Variants in SHISA9 observed in about 807,000 individuals in gnomAD.
The protein encoded by SHISA9 is shisa family member 9.
In SHISA9, 13 loss-of-function variants were observed where a neutral mutation model predicts 38.0. The observed-to-expected ratio is 0.34, with a 90% CI of 0.22 to 0.54. The LOEUF (loss-of-function observed/expected upper bound fraction) is 0.54. SHISA9 is among the 20% of genes least tolerant of loss of function. SHISA9 has a pLI of 0.91. For missense variants in SHISA9, 538 were observed against 575.8 expected (o/e 0.93, Z 0.67); for synonymous variants, 275 against 242.0 (o/e 1.14, Z -1.27).
the SHISA9 span, among the ~76,000 whole-genome samples, chr16:13,397,277 C>G: frequency 2.6e-5 from 4 of 152,130 alleles, no homozygotes; most frequent in African/African-American, 9.7e-5. Context: ...GGGTGTGGCT[C>G]GCTTCTTTGG....
the SHISA9 span, among the ~76,000 whole-genome samples, chr16:13,425,296 T>C: frequency 6.6e-6 from 1 of 152,114 alleles, no homozygotes; most frequent in Non-Finnish European, 1.5e-5. Flanking sequence ...AGACCAGCCT[T>C]GCCAACATGG....
chr16:12,944,018 C>T (rs1043277706), intron 2 of SHISA9, among the ~76,000 whole-genome samples: 5 of 152,116 alleles, frequency 3.3e-5, no homozygotes, highest in African/African-American at 1.2e-4. Flanking sequence ...TGGTGCATTG[C>T]AAGATGTTTA....
the SHISA9 span, among the ~76,000 whole-genome samples, chr16:13,531,492 A>G: frequency 7.9e-5 from 12 of 152,210 alleles, no homozygotes; most frequent in African/African-American, 2.9e-4. Flanking sequence ...CTGAGGTCAC[A>G]CAGCTGGTAG....
the SHISA9 span, among the ~76,000 whole-genome samples, chr16:13,369,305 C>T: frequency 5.3e-5 from 8 of 152,066 alleles, no homozygotes; most frequent in African/African-American, 1.9e-4. Flanking sequence ...AGATTAGGAA[C>T]ACTACAAAGG....
At chr16:12,919,288 ATGAGAT>A (rs2141724873) in intron 2 of SHISA9, among the ~76,000 whole-genome samples, 1 of 152,346 alleles carries the variant, frequency 6.6e-6, no homozygotes, top group South Asian at 2.1e-4. Context: ...CCTGGACATT[ATGAGAT>A]GTACAAGGAT....
chr16:13,115,682 C>A lies in SHISA9; in HGVS notation c.692-87712C>A, dbSNP rs146258780. ...GATTTTGGGAGGCTTGCTCCCAACACCGTATGCCCCAGGCACCAAATAATA... is the reference window on the plus strand; with the variant it reads ...GATTTTGGGAGGCTTGCTCCCAACAACGTATGCCCCAGGCACCAAATAATA... On this transcript the variant is annotated intron_variant, in intron 2 of 4. Coordinates refer to ENST00000558583, the MANE Select transcript of SHISA9 (RefSeq NM_001145204.3). 1.6e-3 allele frequency among the ~76,000 whole-genome samples: 249 copies of A among 152,304 alleles called. 1 individual carries two copies. The highest frequency in any genetic ancestry group is 5.4e-3 in the African/African-American group (223 of 41,558).
At chr16:13,354,459 T>C in the SHISA9 span, among the ~76,000 whole-genome samples, 5 of 151,526 alleles carry the variant, frequency 3.3e-5, no homozygotes, top group Admixed American at 1.3e-4. Flanking sequence ...GATTGAAGTC[T>C]GGGCCAGGAA....
chr16:13,274,273 A>G, the SHISA9 span, among the ~76,000 whole-genome samples: 2 of 152,176 alleles, frequency 1.3e-5, no homozygotes, highest in East Asian at 1.9e-4. Context: ...TCTGGCTCTC[A>G]GTCTCCTTAC....
At chr16:13,340,616 A>T in the SHISA9 span, among the ~76,000 whole-genome samples, 1 of 152,060 alleles carries the variant, frequency 6.6e-6, no homozygotes, top group East Asian at 1.9e-4. Context: ...GGACAGGGGG[A>T]CCCTTTTGAA....
chr16:13,426,306 G>A, the SHISA9 span, among the ~76,000 whole-genome samples: 3 of 152,084 alleles, frequency 2.0e-5, no homozygotes, highest in Non-Finnish European at 2.9e-5. Flanking sequence ...TTTATGCACA[G>A]AAAACTGCAG....
chr16:13,290,982 C>G, the SHISA9 span, among the ~76,000 whole-genome samples: 7 of 152,154 alleles, frequency 4.6e-5, no homozygotes, highest in Non-Finnish European at 7.3e-5. Flanking sequence ...CAGCTGTCTT[C>G]TTTTGCGGAA....
At chr16:12,934,022 TG>T (rs932194494) in intron 2 of SHISA9, among the ~76,000 whole-genome samples, 22 of 150,710 alleles carry the variant, frequency 1.5e-4, no homozygotes, top group African/African-American at 5.1e-4. Context: ...TAGTGAAGAG[TG>T]GGGGGAAAGG....
intron 2 of SHISA9, among the ~76,000 whole-genome samples, chr16:13,134,578 G>T: frequency 6.6e-6 from 1 of 152,134 alleles, no homozygotes; most frequent in East Asian, 1.9e-4. Flanking sequence ...AAATGGGTTT[G>T]ATGTGGCCGG....
At chr16:12,982,783 T>A (rs552345717) in intron 2 of SHISA9, among the ~76,000 whole-genome samples, 1 of 152,326 alleles carries the variant, frequency 6.6e-6, no homozygotes, top group East Asian at 1.9e-4. Context: ...GTATGATAAT[T>A]TCTTCATCTG....
intron 2 of SHISA9, among the ~76,000 whole-genome samples, chr16:13,201,255 C>A (rs1398069648): frequency 1.5e-5 from 2 of 134,468 alleles, no homozygotes; most frequent in African/African-American, 5.9e-5. Context: ...CCAAGGATAC[C>A]AATATCAACA....
At chr16:13,541,002 A>T in the SHISA9 span, among the ~76,000 whole-genome samples, 1 of 152,158 alleles carries the variant, frequency 6.6e-6, no homozygotes, top group African/African-American at 2.4e-5. Context: ...GCTTCTAAAC[A>T]GACCTACTAC....
chr16:13,337,726 GC>G, the SHISA9 span, among the ~76,000 whole-genome samples: 1 of 152,170 alleles, frequency 6.6e-6, no homozygotes, highest in Non-Finnish European at 1.5e-5. Flanking sequence ...TGGAGGAGGG[GC>G]CTGGTGGGAG....
At chr16:13,217,350 G>C (rs1008521873) in intron 4 of SHISA9, among the ~76,000 whole-genome samples, 2 of 152,148 alleles carry the variant, frequency 1.3e-5, no homozygotes, top group African/African-American at 4.8e-5. Context: ...AAGACCAGCA[G>C]ACTGTCTTCA....
chr16:12,993,801 A>C (rs1486977007), intron 2 of SHISA9, among the ~76,000 whole-genome samples: 1 of 152,216 alleles, frequency 6.6e-6, no homozygotes, highest in East Asian at 1.9e-4. Context: ...GAGAATGTTA[A>C]GTTGAGATCT....
Sources: gnomAD v4.1 joint callset for allele counts (sites outside exome capture counted in the v4.1 genomes callset) on GRCh38, gnomAD v4.1.1 for gene constraint, MANE v1.5 for transcripts, NCBI Gene and HGNC (gene_info 2026-07-23, HGNC 2026-07-21) for gene names.